SEC24A: variants seen among roughly 807,000 people sequenced by gnomAD.
SEC24A encodes the protein SEC24 homolog A, COPII component.
A neutral mutation model predicts 129.4 loss-of-function variants in SEC24A; 93 were observed. The observed-to-expected ratio is 0.72, with a 90% confidence interval of 0.61 to 0.85. The LOEUF (loss-of-function observed/expected upper bound fraction) is 0.85. Among genes scored for constraint, SEC24A ranks in the 40% least tolerant of loss-of-function variants. SEC24A has a pLI of 0.00. For synonymous variants in SEC24A, 460 were observed against 467.3 expected, an observed-to-expected ratio of 0.98 and a Z score of 0.20; for missense variants, 1,264 against 1,307.4, an observed-to-expected ratio of 0.97 and a Z score of 0.51.
chr5:134,706,822 C>G (rs576645426), intron 17 of SEC24A, among the ~76,000 whole-genome samples: 11 of 152,138 alleles, frequency 7.2e-5, no homozygotes, highest in Non-Finnish European at 1.0e-4. Context: ...TCCCAAGTAG[C>G]TGGGACTACA....
chr5:134,684,956 G>A (rs768177387), intron 9 of SEC24A, among the ~76,000 whole-genome samples: 38 of 152,180 alleles, frequency 2.5e-4, no homozygotes, highest in Non-Finnish European at 3.4e-4. Flanking sequence ...GGCAGGTTGT[G>A]TGGATTTGGC....
intron 3 of SEC24A, among the ~76,000 whole-genome samples, chr5:134,671,224 A>G (rs1173641636): frequency 6.6e-6 from 1 of 151,712 alleles, no homozygotes; most frequent in Non-Finnish European, 1.5e-5. Flanking sequence ...ACACCCAGCT[A>G]ATTTTTTTTG....
At position 134,727,372 on chromosome 5, in the gene SEC24A, C is replaced by T. The variant is rs1314041318; in HGVS notation, c.*2278C>T. ...TGGCAGTTCTACCATAAAAAGTACT[C>T]TATTTTTCTAATTTCTAGGATTTTT... On this transcript the variant is annotated 3_prime_UTR_variant, in exon 23 of 23. Coordinates refer to ENST00000398844, the MANE Select transcript of SEC24A (RefSeq NM_021982.3). 6.6e-6 allele frequency: 1 copy of T among 152,508 alleles called. No individual in the cohort carries two copies. Among genetic ancestry groups the T allele is most frequent in the Non-Finnish European group, 1.5e-5 (1 of 67,982 alleles). The allele number at this position is 152,508 out of a possible 1,614,324, so 9.4% of individuals were successfully genotyped here. A position where few individuals can be genotyped will look rare whatever the true frequency, so the allele number is the denominator to read the frequency against.
intron 11 of SEC24A, among the ~76,000 whole-genome samples, chr5:134,688,667 TTTTA>T (rs149900252): frequency 5.4e-4 from 81 of 151,072 alleles, no homozygotes; most frequent in African/African-American, 1.9e-3. Flanking sequence ...AGTCAATTGA[TTTTA>T]TTTATTTATT....
chr5:134,679,019 T>C (rs1162545926), intron 7 of SEC24A, among the ~76,000 whole-genome samples: 3 of 152,006 alleles, frequency 2.0e-5, no homozygotes, highest in African/African-American at 7.2e-5. Flanking sequence ...CCACTGTGCC[T>C]GGCCTGCTAT....
At chr5:134,654,217 AAAAT>A (rs1561798706) in intron 1 of SEC24A, among the ~76,000 whole-genome samples, 1 of 150,574 alleles carries the variant, frequency 6.6e-6, no homozygotes, top group African/African-American at 2.4e-5. Flanking sequence ...TCAAAAAAAA[AAAAT>A]ATATATATAT....
chr5:134,681,478 GTT>G (rs1491097691), intron 8 of SEC24A, among the ~76,000 whole-genome samples: 2 of 143,542 alleles, frequency 1.4e-5, no homozygotes, highest in Admixed American at 7.0e-5. Context: ...GTGTGTGTGT[GTT>G]TTGAGTATAG....
At chr5:134,674,805 T>G in intron 5 of SEC24A, 30 bp downstream of exon 5, 1 of 1,601,052 alleles carries the variant, frequency 6.2e-7, no homozygotes, top group African/African-American at 1.3e-5. Flanking sequence ...CTTTAACCTA[T>G]TTCTCCATTT....
At chr5:134,709,710 C>T (rs1752264602) in intron 18 of SEC24A, among the ~76,000 whole-genome samples, 1 of 152,144 alleles carries the variant, frequency 6.6e-6, no homozygotes, top group Admixed American at 6.6e-5. Context: ...TGTTACCTAG[C>T]TTCATTAAAT....
In SEC24A at chr5:134,682,430, G is replaced by A. The variant is rs374540551; in HGVS notation, c.1439G>A (p.Arg480Lys). The A allele has an allele frequency of 2.0e-5, 33 of 1,610,166 alleles. No individual in the cohort carries two copies. Among genetic ancestry groups the A allele is most frequent in the African/African-American group, 2.7e-5 (2 of 74,808 alleles). Residue 480 changes from arginine to lysine, a missense_variant, in exon 9 of 23, where the codon AGA becomes AAA. By Grantham distance (26) the Arg-to-Lys change is conservative. Transcript: ENST00000398844. The part of the protein sequence containing the change: ...LTRVYGEPHR[R>K]PEVQNATIEF... ...AGAGTTTATGGAGAACCTCACAGAA[G>A]ACCAGAAGTTCAAAATGCTACTATT...
At chr5:134,695,344 A>T (rs1055461378) in intron 13 of SEC24A, among the ~76,000 whole-genome samples, 1 of 151,806 alleles carries the variant, frequency 6.6e-6, no homozygotes, top group Non-Finnish European at 1.5e-5. Context: ...TTGGGAAACA[A>T]CAACAACAAC....
intron 1 of SEC24A, among the ~76,000 whole-genome samples, chr5:134,656,778 CTTT>C (rs1278303639): frequency 2.3e-5 from 3 of 132,456 alleles, no homozygotes; most frequent in Non-Finnish European, 4.9e-5. Flanking sequence ...CTGCATCCGA[CTTT>C]TTTTTTTTTT....
chr5:134,692,735 AT>A (rs1312165352), intron 12 of SEC24A, 78 bp downstream of exon 12: 1 of 914,112 alleles, frequency 1.1e-6, no homozygotes, highest in Non-Finnish European at 1.8e-6. Flanking sequence ...TTTAAGTAAA[AT>A]TTTGATTATT....
chr5:134,696,498 A>G (rs1751827985), intron 13 of SEC24A, among the ~76,000 whole-genome samples: 1 of 152,060 alleles, frequency 6.6e-6, no homozygotes. Flanking sequence ...AATTTTTAAA[A>G]AACATATATA....
intron 22 of SEC24A, 81 bp from the exon 23 acceptor site, chr5:134,724,899 T>C: frequency 1.4e-6 from 1 of 724,442 alleles, no homozygotes; most frequent in Admixed American, 2.2e-5. Flanking sequence ...GTTATTAGGG[T>C]TATGAGGAAA....
rs768832339 is a variant in SEC24A, at chr5:134,718,085, G to A, written c.2882G>A (p.Ser961Asn). The change falls in exon 20 of 23, where the codon AGT becomes AAT. Residue 961 changes from serine to asparagine, a missense_variant. Coordinates refer to ENST00000398844, the MANE Select transcript of SEC24A (RefSeq NM_021982.3). The stretch of plus-strand genomic sequence containing the variant: ...ATTCCTCAGGGAGCACTCAACATCA[G>A]TGATAGAACCATACCTCAGCCCCCC... ...NLSDEGALNI[S>N]DRTIPQPPIL... The A allele has an allele frequency of 1.4e-5, 22 of 1,613,914 alleles. No individual in the cohort carries two copies. The East Asian group carries it at 4.9e-4, about 36-fold the overall frequency.
intron 8 of SEC24A, among the ~76,000 whole-genome samples, chr5:134,680,624 G>A (rs1751233230): frequency 6.6e-6 from 1 of 151,984 alleles, no homozygotes; most frequent in Non-Finnish European, 1.5e-5. Flanking sequence ...ATGAGCCACT[G>A]CACCCGGCCA....
chr5:134,676,784 A>G (rs537691358), intron 7 of SEC24A, among the ~76,000 whole-genome samples: 3 of 152,248 alleles, frequency 2.0e-5, no homozygotes, highest in South Asian at 4.1e-4. Context: ...TTGGTGATGA[A>G]AATTTTCTGC....
At chr5:134,694,686 G>T (rs899619895) in intron 13 of SEC24A, among the ~76,000 whole-genome samples, 4 of 151,650 alleles carry the variant, frequency 2.6e-5, no homozygotes, top group Non-Finnish European at 5.9e-5. Flanking sequence ...GGGTGTGGTG[G>T]CACATGCTTG....
Sources: gnomAD v4.1 joint callset for allele counts (sites outside exome capture counted in the v4.1 genomes callset) on GRCh38, gnomAD v4.1.1 for gene constraint, MANE v1.5 for transcripts, NCBI Gene and HGNC (gene_info 2026-07-23, HGNC 2026-07-21) for gene names.